TUSC3: variants seen among roughly 807,000 people sequenced by gnomAD.
TUSC3 encodes dolichyl-diphosphooligosaccharide--protein glycosyltransferase subunit TUSC3.
Under a neutral mutation model 44.8 loss-of-function variants are expected in TUSC3, and 45 were observed. The observed-to-expected ratio is 1.00, with a 90% confidence interval of 0.79 to 1.29. The LOEUF is 1.29. TUSC3 is among the 50% of genes most tolerant of loss of function. The pLI is 0.00. For missense variants in TUSC3, 519 were observed against 437.9 expected, an observed-to-expected ratio of 1.19 and a Z score of -1.65; for synonymous variants, 212 against 152.9, an observed-to-expected ratio of 1.39 and a Z score of -2.85.
At chr8:15,613,298 C>G (rs1804843346) in intron 1 of TUSC3, among the ~76,000 whole-genome samples, 1 of 151,310 alleles carries the variant, frequency 6.6e-6, no homozygotes, top group Non-Finnish European at 1.5e-5. Flanking sequence ...TTAGGTAACT[C>G]TGAGATTGAA....
intron 1 of TUSC3, among the ~76,000 whole-genome samples, chr8:15,563,669 G>A (rs1198730565): frequency 6.1e-5 from 7 of 114,522 alleles, no homozygotes; most frequent in Non-Finnish European, 1.2e-4. Flanking sequence ...CTGAGTGACA[G>A]AGTGAGCCTC....
intron 5 of TUSC3, among the ~76,000 whole-genome samples, chr8:15,668,691 G>C (rs1807790822): frequency 6.6e-6 from 1 of 151,752 alleles, no homozygotes; most frequent in Non-Finnish European, 1.5e-5. Context: ...AAAAGGACTA[G>C]CTTTGAGGGT....
chr8:15,491,480 G>C (rs1401573819), intron 2 of TUSC3, among the ~76,000 whole-genome samples: 1 of 151,554 alleles, frequency 6.6e-6, no homozygotes, highest in Non-Finnish European at 1.5e-5. Flanking sequence ...AGTGAGTCTT[G>C]TAAATCTACC....
At chr8:15,555,380 T>A (rs1802223107) in intron 1 of TUSC3, among the ~76,000 whole-genome samples, 1 of 143,670 alleles carries the variant, frequency 7.0e-6, no homozygotes, top group South Asian at 2.3e-4. Context: ...CACTGTGGCC[T>A]TGACCTCCTG....
intron 7 of TUSC3, among the ~76,000 whole-genome samples, chr8:15,734,557 T>G (rs1025776309): frequency 1.1e-4 from 16 of 152,230 alleles, no homozygotes; most frequent in Admixed American, 2.6e-4. Flanking sequence ...CATTTATTTT[T>G]CCTTTTGTTA....
upstream of TUSC3, among the ~76,000 whole-genome samples, chr8:15,539,345 CTTTTTTTTTTTTT>C (rs35685582): frequency 4.8e-4 from 33 of 69,406 alleles, no homozygotes; most frequent in South Asian, 4.4e-3. Flanking sequence ...TGCTATGGTT[CTTTTTTTTTTTTT>C]TTTTTTTTTT....
chr8:15,805,187 T>C, the TUSC3 span, among the ~76,000 whole-genome samples: 1 of 152,178 alleles, frequency 6.6e-6, no homozygotes, highest in Non-Finnish European at 1.5e-5. Flanking sequence ...ATTTTGTATC[T>C]GAAACTTTAC....
intron 1 of TUSC3, among the ~76,000 whole-genome samples, chr8:15,425,096 G>T (rs1378882271): frequency 1.3e-5 from 2 of 152,186 alleles, no homozygotes; most frequent in Non-Finnish European, 2.9e-5. Flanking sequence ...TTAGGATTGA[G>T]TAAGCTTTGC....
At position 15,696,202 on chromosome 8, in the gene TUSC3, G is replaced by A. The variant is rs137970802; in HGVS notation, c.798+22366G>A. Among the ~76,000 whole-genome samples, 1,401 of 152,210 alleles carry A rather than the reference G, an allele frequency of 9.2e-3. 33 individuals carry two copies. Among genetic ancestry groups the A allele is most frequent in the African/African-American group, 0.032 (1,335 of 41,526 alleles). ...TTCGTGGGCTGGGCTCAGGGTCCTC[G>A]TGCTGTGTGCAGCCTAGGGACTTGG... On this transcript the variant is annotated intron_variant, in intron 6 of 10. Transcript: ENST00000503731.
chr8:15,582,721 T>G (rs1427419459), intron 1 of TUSC3, among the ~76,000 whole-genome samples: 1 of 152,202 alleles, frequency 6.6e-6, no homozygotes, highest in Admixed American at 6.5e-5. Context: ...CTGCCTGGTG[T>G]AACCTGAAAC....
chr8:15,503,989 G>A (rs28525627), intron 2 of TUSC3, among the ~76,000 whole-genome samples: 2,080 of 147,894 alleles, frequency 0.014, 57 homozygotes, highest in African/African-American at 0.049. Flanking sequence ...TCTCCAGCCT[G>A]GGCAACAGAG....
chr8:15,560,553 C>T (rs1802422225), intron 1 of TUSC3, among the ~76,000 whole-genome samples: 1 of 147,410 alleles, frequency 6.8e-6, no homozygotes. Flanking sequence ...GTTGGCCTGC[C>T]TTGCTAGATT....
rs755181425 is a variant in TUSC3 at position 15,650,727 on chromosome 8, G to C, written c.339G>C (p.Ala113=). Residue 113 remains alanine (A), a synonymous_variant, in exon 3 of 11, where the codon GCG becomes GCC. Coordinates refer to ENST00000503731, the MANE Select transcript of TUSC3 (RefSeq NM_006765.4). ...CTAATGAAGAATATCAAATACTGGC[G>C]AACTCCTGGCGCTATTCATCTGCTT... ...RQANEEYQIL[A]NSWRYSSAFC... is the part of the protein sequence containing the mutation. 1.9e-6 allele frequency: 3 copies of C among 1,613,942 alleles called. No homozygotes were observed. Among genetic ancestry groups the C allele is most frequent in the East Asian group, 2.2e-5 (1 of 44,864 alleles).
intron 6 of TUSC3, among the ~76,000 whole-genome samples, chr8:15,701,410 T>C (rs1229202880): frequency 1.6e-4 from 25 of 152,170 alleles, no homozygotes. Context: ...ATTTGTAAAA[T>C]ACTGTGTATG....
At chr8:15,653,043 G>GT (rs1176858468) in intron 3 of TUSC3, among the ~76,000 whole-genome samples, 1 of 151,972 alleles carries the variant, frequency 6.6e-6, no homozygotes, top group Non-Finnish European at 1.5e-5. Context: ...GCCTTTCTTG[G>GT]TATGTCTTTT....
chr8:15,790,737 G>C, the TUSC3 span, among the ~76,000 whole-genome samples: 1 of 152,114 alleles, frequency 6.6e-6, no homozygotes, highest in Non-Finnish European at 1.5e-5. Context: ...GCACACAAAT[G>C]ATAGAACTGG....
intron 1 of TUSC3, among the ~76,000 whole-genome samples, chr8:15,437,329 A>G (rs1029076227): frequency 6.6e-6 from 1 of 152,196 alleles, no homozygotes; most frequent in Non-Finnish European, 1.5e-5. Context: ...GTCTAGACCT[A>G]CATATCTCTG....
At chr8:15,642,026 A>G (rs1806395270) in intron 2 of TUSC3, among the ~76,000 whole-genome samples, 1 of 152,196 alleles carries the variant, frequency 6.6e-6, no homozygotes, top group Admixed American at 6.6e-5. Flanking sequence ...TGGGCTTTTT[A>G]ATATACCAGT....
chr8:15,820,307 ATTCT>A, the TUSC3 span, among the ~76,000 whole-genome samples: 1 of 130,696 alleles, frequency 7.7e-6, no homozygotes, highest in Non-Finnish European at 1.6e-5. Context: ...TTGATCTGTA[ATTCT>A]TTTTTTTTTT....
Sources: allele counts gnomAD v4.1 joint callset (sites outside exome capture counted in the v4.1 genomes callset), GRCh38; gene constraint gnomAD v4.1.1; transcripts MANE v1.5; gene names NCBI Gene and HGNC (gene_info 2026-07-23, HGNC 2026-07-21).